Variants in NRXN3 observed in about 807,000 individuals in gnomAD.
NRXN3 encodes neurexin III.
NRXN3 carries 32 observed loss-of-function variants against 137.6 expected under a neutral mutation model. The ratio of observed to expected loss-of-function variants is 0.23; its 90% CI spans 0.18 to 0.31. NRXN3 has a LOEUF of 0.31. Ranked by LOEUF, NRXN3 falls within the 10% of genes least tolerant of loss-of-function variation. The probability of loss-of-function intolerance (pLI) is 1.00; values close to 1 mark genes in which losing one functional copy is unlikely to be tolerated. For synonymous variants in NRXN3, 798 were observed against 784.5 expected (o/e 1.02, Z -0.29); for missense variants, 1,574 against 2,062.5 (o/e 0.76, Z 4.59).
chr14:79,123,231 G>A (rs539539889), intron 15 of NRXN3, among the ~76,000 whole-genome samples: 6 of 151,772 alleles, frequency 4.0e-5, no homozygotes, highest in South Asian at 4.2e-4. Context: ...GTGTGTGCGC[G>A]CGTGTGTGCG....
At position 78,709,201 on chromosome 14, in the gene NRXN3, G is replaced by A. The variant is rs1595008541; in HGVS notation, c.1222-16G>A. ...CAAGATTGATTCACATGGCACTTTT[G>A]TTTGGCTTTTGACAGGTTGTTTATA... On this transcript the variant is annotated splice_polypyrimidine_tract_variant and intron_variant, in intron 6 of 20. Coordinates refer to ENST00000335750, the MANE Select transcript of NRXN3 (RefSeq NM_001330195.2). 1 of 1,596,856 alleles carries A rather than the reference G, an allele frequency of 6.3e-7. No homozygotes were observed. Among genetic ancestry groups the A allele is most frequent in the Non-Finnish European group, 8.5e-7 (1 of 1,171,352 alleles).
intron 15 of NRXN3, among the ~76,000 whole-genome samples, chr14:79,045,734 T>C (rs2099632100): frequency 6.6e-6 from 1 of 152,180 alleles, no homozygotes; most frequent in Admixed American, 6.5e-5. Flanking sequence ...GTGAACAAGA[T>C]AACGTTTTTT....
At chr14:79,404,901 G>T (rs1033875061) in intron 15 of NRXN3, among the ~76,000 whole-genome samples, 1 of 152,140 alleles carries the variant, frequency 6.6e-6, no homozygotes, top group African/African-American at 2.4e-5. Flanking sequence ...GTGTGTTCGT[G>T]CACACATATG....
intron 8 of NRXN3, among the ~76,000 whole-genome samples, chr14:78,716,221 C>T (rs1383353826): frequency 2.0e-5 from 3 of 152,214 alleles, no homozygotes; most frequent in Non-Finnish European, 2.9e-5. Flanking sequence ...AGAGGGACAA[C>T]ATCAACACAA....
chr14:78,238,405 T>C (rs765453736), intron 1 of NRXN3, among the ~76,000 whole-genome samples: 13 of 152,114 alleles, frequency 8.5e-5, no homozygotes, highest in South Asian at 2.1e-4. Context: ...TATGGTTCAG[T>C]AGAGGGTGGC....
intron 8 of NRXN3, among the ~76,000 whole-genome samples, chr14:78,738,042 G>A (rs79315134): frequency 0.012 from 1,823 of 152,182 alleles, 41 homozygotes; most frequent in African/African-American, 0.042. Flanking sequence ...TGATTTTAAG[G>A]GTTGGGGATT....
At chr14:79,556,284 C>T (rs537065347) in intron 16 of NRXN3, among the ~76,000 whole-genome samples, 1 of 152,044 alleles carries the variant, frequency 6.6e-6, no homozygotes, top group Admixed American at 6.5e-5. Context: ...GAGGTAAGCA[C>T]GGACAAGTAT....
intron 4 of NRXN3, among the ~76,000 whole-genome samples, chr14:78,311,851 T>C (rs189244928): frequency 2.6e-5 from 4 of 152,290 alleles, no homozygotes; most frequent in Non-Finnish European, 5.9e-5. Flanking sequence ...AAATGCTGAT[T>C]TGCTTCCTCA....
intron 4 of NRXN3, among the ~76,000 whole-genome samples, chr14:78,301,539 A>C (rs1237025452): frequency 6.6e-6 from 1 of 152,206 alleles, no homozygotes; most frequent in Non-Finnish European, 1.5e-5. Context: ...TCAGGAGTGA[A>C]GGGAGAGGTT....
At chr14:78,632,633 G>T (rs2097532154) in intron 4 of NRXN3, among the ~76,000 whole-genome samples, 1 of 151,962 alleles carries the variant, frequency 6.6e-6, no homozygotes, top group African/African-American at 2.4e-5. Flanking sequence ...TTGAAAAATG[G>T]GCTAGTAAAA....
chr14:79,015,182 G>A (rs369048766), intron 15 of NRXN3, among the ~76,000 whole-genome samples: 1 of 151,784 alleles, frequency 6.6e-6, no homozygotes, highest in Non-Finnish European at 1.5e-5. Flanking sequence ...TGTTGTCACC[G>A]GTGCACCAAC....
At chr14:79,231,053 C>G (rs1289863320) in intron 15 of NRXN3, among the ~76,000 whole-genome samples, 2 of 152,114 alleles carry the variant, frequency 1.3e-5, no homozygotes, top group Admixed American at 6.5e-5. Flanking sequence ...GTTAATGAAA[C>G]TAAGGACTTT....
intron 4 of NRXN3, among the ~76,000 whole-genome samples, chr14:78,530,562 C>T (rs1042436070): frequency 4.6e-5 from 7 of 152,160 alleles, no homozygotes; most frequent in African/African-American, 1.7e-4. Flanking sequence ...TTGCGGATGG[C>T]TGAGGTGTCT....
intron 10 of NRXN3, among the ~76,000 whole-genome samples, chr14:78,860,038 C>T (rs2099068274): frequency 6.6e-6 from 1 of 152,052 alleles, no homozygotes; most frequent in African/African-American, 2.4e-5. Context: ...ATTCCTTTCT[C>T]TTTGACAGTT....
intron 4 of NRXN3, among the ~76,000 whole-genome samples, chr14:78,453,740 A>T (rs1032681897): frequency 2.0e-5 from 3 of 152,200 alleles, no homozygotes; most frequent in Non-Finnish European, 4.4e-5. Flanking sequence ...ATGTTCTCAT[A>T]AAAAGGGGAC....
chr14:78,610,757 G>T (rs916021323), intron 4 of NRXN3, among the ~76,000 whole-genome samples: 1 of 152,152 alleles, frequency 6.6e-6, no homozygotes, highest in Admixed American at 6.5e-5. Flanking sequence ...GTGAAACCAT[G>T]GGGGGCAGGT....
At chr14:79,134,564 T>TTCTCA (rs2058023427) in intron 15 of NRXN3, among the ~76,000 whole-genome samples, 1 of 152,226 alleles carries the variant, frequency 6.6e-6, no homozygotes, top group African/African-American at 2.4e-5. Context: ...AATGCTATGC[T>TTCTCA]TCTCATTGCC....
intron 19 of NRXN3, among the ~76,000 whole-genome samples, chr14:79,803,899 GTATATATATATATGTA>G (rs1252695767): frequency 6.9e-6 from 1 of 144,826 alleles, no homozygotes; most frequent in Non-Finnish European, 1.5e-5. Flanking sequence ...AAGTGTGTGT[GTATATATATATATGTA>G]TATATATATA....
intron 10 of NRXN3, 47 bp downstream of exon 10, chr14:78,810,391 A>C (rs772246940): frequency 3.6e-6 from 4 of 1,120,566 alleles, no homozygotes; most frequent in Admixed American, 3.1e-5. Context: ...AAAAAAAAAC[A>C]AAACTGACTT....
Sources: gnomAD v4.1 joint callset for allele counts (sites outside exome capture counted in the v4.1 genomes callset) on GRCh38, gnomAD v4.1.1 for gene constraint, MANE v1.5 for transcripts, NCBI Gene and HGNC (gene_info 2026-07-23, HGNC 2026-07-21) for gene names.